Variants in FAM227A observed in about 807,000 individuals in gnomAD.
FAM227A encodes protein FAM227A.
Under a neutral mutation model 74.7 loss-of-function variants are expected in FAM227A, and 80 were observed. That is an observed-to-expected ratio of 1.07 (90% CI 0.89 to 1.29). The LOEUF (loss-of-function observed/expected upper bound fraction) is 1.29, where lower values mean the gene tolerates loss of function less well. FAM227A is among the 50% of genes most tolerant of loss of function. FAM227A has a pLI of 0.00. For missense variants in FAM227A, 654 were observed against 683.4 expected, an observed-to-expected ratio of 0.96 and a Z score of 0.48; for synonymous variants, 237 against 241.8, an observed-to-expected ratio of 0.98 and a Z score of 0.19.
chr22:38,639,799 C>T (rs891716782), intron 3 of FAM227A, 75 bp from the exon 4 acceptor site: 18 of 1,027,330 alleles, frequency 1.8e-5, no homozygotes, highest in South Asian at 4.1e-5. Flanking sequence ...AGGGTCTAGG[C>T]GTTTCCTCTT....
At position 38,586,083 on chromosome 22, in the gene FAM227A, C is replaced by T. The variant is rs5757158; in HGVS notation, c.*42G>A. 1.3e-5 allele frequency: 20 copies of T among 1,551,930 alleles called. No individual in the cohort carries two copies. In the East Asian group the frequency reaches 2.0e-4, roughly 15 times the overall value. ...ACTCCACCTCGTAGCAGAAATATCA[C>T]GGATTCTGTAGGCGCTTCCTGGTTC... On this transcript the variant is annotated 3_prime_UTR_variant, in exon 17 of 17. Coordinates refer to ENST00000535113, the MANE Select transcript of FAM227A (RefSeq NM_001013647.2).
chr22:38,617,872 G>C (rs1391662696), intron 11 of FAM227A, among the ~76,000 whole-genome samples: 1 of 152,108 alleles, frequency 6.6e-6, no homozygotes. Flanking sequence ...TCAGGAGGTT[G>C]AGGCAGTAGG....
rs775549517 is a variant in FAM227A at position 38,628,896 on chromosome 22, AAGAG to A, written c.555_558del (p.Ser186LeufsTer34). 69 of 1,546,054 alleles carry A rather than the reference AAGAG, an allele frequency of 4.5e-5. No homozygotes were observed. Among genetic ancestry groups the A allele is most frequent in the East Asian group, 2.9e-4 (12 of 40,818 alleles). On this transcript the variant is annotated frameshift_variant, in exon 7 of 17. Transcript: ENST00000535113. LOFTEE classifies it high-confidence loss of function. ...AGCCAGATGGCTCTTGGAGAAGAAGAAGAGAGAAACTTCTCTAATTCTCTACCTG... is the reference window on the plus strand; with the variant it reads ...AGCCAGATGGCTCTTGGAGAAGAAGAAGAAACTTCTCTAATTCTCTACCTG...
At chr22:38,643,537 CTCA>C (rs1438869457) in intron 3 of FAM227A, among the ~76,000 whole-genome samples, 2 of 152,184 alleles carry the variant, frequency 1.3e-5, no homozygotes, top group Non-Finnish European at 2.9e-5. Flanking sequence ...CGCAAGAACC[CTCA>C]TCCACTGCGG....
chr22:38,610,764 TAGAA>T (rs2146282866), intron 11 of FAM227A, among the ~76,000 whole-genome samples: 1 of 152,212 alleles, frequency 6.6e-6, no homozygotes, highest in African/African-American at 2.4e-5. Context: ...TCCTTCCACT[TAGAA>T]AGTACTTTCC....
chr22:38,651,989 C>T (rs7292856), intron 1 of FAM227A, among the ~76,000 whole-genome samples: 8,557 of 151,524 alleles, frequency 0.056, 484 homozygotes, highest in African/African-American at 0.14. Context: ...GAGTTCGAGA[C>T]CAGCCTGGCC....
intron 1 of FAM227A, among the ~76,000 whole-genome samples, chr22:38,654,212 A>G (rs574790573): frequency 6.6e-6 from 1 of 151,792 alleles, no homozygotes; most frequent in Non-Finnish European, 1.5e-5. Context: ...GCCGGGTGTG[A>G]TGGCAGGCGC....
At chr22:38,652,948 A>C (rs986215210) in intron 1 of FAM227A, among the ~76,000 whole-genome samples, 5 of 152,154 alleles carry the variant, frequency 3.3e-5, no homozygotes, top group South Asian at 4.1e-4. Flanking sequence ...CAGTCATACA[A>C]TCAGGGGTCC....
intron 11 of FAM227A, among the ~76,000 whole-genome samples, chr22:38,617,331 C>A (rs1396018511): frequency 6.8e-6 from 1 of 147,268 alleles, no homozygotes; most frequent in Non-Finnish European, 1.5e-5. Context: ...AGTCTTGCTC[C>A]GTCACCAAGG....
At position 38,583,834 on chromosome 22, in the gene FAM227A, G is replaced by GT. The variant is rs1225243201; in HGVS notation, c.*2290dup. On this transcript the variant is annotated 3_prime_UTR_variant, in exon 17 of 17. Transcript: ENST00000535113. ...CTACTCAGGATTCAAGTAAAGATGTGTGTCTGAGGGATGAGCTACATTTCC... is the reference window on the plus strand; with the variant it reads ...CTACTCAGGATTCAAGTAAAGATGTGTTGTCTGAGGGATGAGCTACATTTCC... The GT allele has an allele frequency of 2.0e-5, 3 of 152,244 alleles. No individual in the cohort carries two copies. The highest frequency in any genetic ancestry group is 6.5e-5 in the Admixed American group (1 of 15,284). 9.4% of individuals were successfully genotyped at this position (152,244 alleles called of 1,614,324 possible). A position where few individuals can be genotyped will look rare whatever the true frequency, so the allele number is the denominator to read the frequency against.
In FAM227A at chr22:38,628,837, G is replaced by A. The variant is rs1381026419; in HGVS notation, c.618C>T (p.Tyr206=). 1 of 1,501,656 alleles carries A rather than the reference G, an allele frequency of 6.7e-7. No homozygotes were observed. Among genetic ancestry groups the A allele is most frequent in the Non-Finnish European group, 9.0e-7 (1 of 1,105,700 alleles). 93.0% of individuals were successfully genotyped at this position (1,501,656 alleles called of 1,614,324 possible). A position where few individuals can be genotyped will look rare whatever the true frequency, so the allele number is the denominator to read the frequency against. ...AAACAAGCAGATTTGTATTTACCTG[G>A]TACCTCTCATGAAATATCCACCAAA... is the stretch of plus-strand genomic sequence containing the variant. ...DSFWWIFHER[Y]QPNKELQNNL... The change falls in exon 7 of 17, where the codon TAC becomes TAT. Residue 206 remains tyrosine (Y), a synonymous_variant. Transcript: ENST00000535113.
chr22:38,628,647 A>T (rs1199535588), intron 7 of FAM227A, among the ~76,000 whole-genome samples, 187 bp downstream of exon 7: 1 of 152,168 alleles, frequency 6.6e-6, no homozygotes, highest in Non-Finnish European at 1.5e-5. Context: ...GCCGCAGGGC[A>T]TTGTGCAATG....
intron 15 of FAM227A, among the ~76,000 whole-genome samples, chr22:38,596,421 G>GT (rs2091045960): frequency 6.6e-6 from 1 of 152,202 alleles, no homozygotes; most frequent in Non-Finnish European, 1.5e-5. Flanking sequence ...GCTCGTGTCT[G>GT]TAATCCCAGC....
chr22:38,613,185 A>AAT (rs371387079), intron 11 of FAM227A, among the ~76,000 whole-genome samples: 25 of 82,180 alleles, frequency 3.0e-4, no homozygotes, highest in Non-Finnish European at 4.4e-4. Flanking sequence ...TATTATATAT[A>AAT]ATATATATAT....
At chr22:38,593,716 G>C (rs903490666) in intron 15 of FAM227A, among the ~76,000 whole-genome samples, 2 of 151,816 alleles carry the variant, frequency 1.3e-5, no homozygotes, top group African/African-American at 4.8e-5. Flanking sequence ...TTAGAGACAG[G>C]GTCTCACTCT....
intron 10 of FAM227A, among the ~76,000 whole-genome samples, chr22:38,621,000 A>T (rs1166096544): frequency 6.6e-6 from 1 of 151,420 alleles, no homozygotes; most frequent in African/African-American, 2.4e-5. Context: ...ATGTCATTAA[A>T]CTCAAGCAAT....
chr22:38,607,132 G>A (rs1413410313), intron 12 of FAM227A, among the ~76,000 whole-genome samples: 1 of 145,726 alleles, frequency 6.9e-6, no homozygotes, highest in African/African-American at 2.6e-5. Context: ...AGCTGAGATT[G>A]TGCCACTGCA....
At chr22:38,645,421 A>T (rs892898896) in intron 3 of FAM227A, 142 bp downstream of exon 3, 54 of 601,856 alleles carry the variant, frequency 9.0e-5, no homozygotes, top group Middle Eastern at 4.4e-4. Context: ...ATTAATTTTT[A>T]AAAAAATTAA....
intron 11 of FAM227A, among the ~76,000 whole-genome samples, chr22:38,612,236 GAATT>G (rs1445747634): frequency 6.6e-6 from 1 of 152,106 alleles, no homozygotes; most frequent in Non-Finnish European, 1.5e-5. Context: ...CTAATGTAAT[GAATT>G]ATCATGGCAC....
Sources: allele counts gnomAD v4.1 joint callset (sites outside exome capture counted in the v4.1 genomes callset), GRCh38; gene constraint gnomAD v4.1.1; transcripts MANE v1.5; gene names NCBI Gene and HGNC (gene_info 2026-07-23, HGNC 2026-07-21).